Variants in FOXJ2 observed in about 807,000 individuals in gnomAD.
FOXJ2 encodes forkhead box J2.
Under a neutral mutation model 68.4 loss-of-function variants are expected in FOXJ2, and 18 were observed. That is an observed-to-expected ratio of 0.26 (90% CI 0.18 to 0.39). The LOEUF (loss-of-function observed/expected upper bound fraction) is 0.39, where lower values mean the gene tolerates loss of function less well. Among genes scored for constraint, FOXJ2 ranks in the 10% least tolerant of loss-of-function variants. The pLI is 1.00. For synonymous variants in FOXJ2, 274 were observed against 263.2 expected, an observed-to-expected ratio of 1.04 and a Z score of -0.40; for missense variants, 670 against 726.5, an observed-to-expected ratio of 0.92 and a Z score of 0.89.
Position 8,055,000 on chromosome 12 carries a change from G to T in FOXJ2, c.*2150G>T, listed in dbSNP as rs746911180. Reference sequence around the variant, plus strand: ...AACTAGTCTCATGAAGAATTCTGGCGTGCAGCCAGGGTAGCTGAAGTTTGG... The same window carrying T: ...AACTAGTCTCATGAAGAATTCTGGCTTGCAGCCAGGGTAGCTGAAGTTTGG... On this transcript the variant is annotated 3_prime_UTR_variant, in exon 11 of 11. Transcript: ENST00000162391. The T allele has an allele frequency of 6.6e-6, 1 of 152,158 alleles. No homozygotes were observed. The highest frequency in any genetic ancestry group is 2.1e-4 in the South Asian group (1 of 4,828). The allele number at this position is 152,158 out of a possible 1,614,324, so 9.4% of individuals were successfully genotyped here. A position where few individuals can be genotyped will look rare whatever the true frequency, so the allele number is the denominator to read the frequency against.
rs1214122771 is a variant in FOXJ2 at position 8,055,386 on chromosome 12, C to G, written c.*2536C>G. 6.6e-6 allele frequency: 1 copy of G among 152,534 alleles called. No individual in the cohort carries two copies. Among genetic ancestry groups the G allele is most frequent in the East Asian group, 1.9e-4 (1 of 5,194 alleles). The allele number at this position is 152,534 out of a possible 1,614,324, so 9.4% of individuals were successfully genotyped here. On this transcript the variant is annotated 3_prime_UTR_variant, in exon 11 of 11. Coordinates refer to ENST00000162391, the MANE Select transcript of FOXJ2 (RefSeq NM_018416.3). ...TCCTCATGTTTCTGGTTTGGTGAGTCCTTTGTGCCACCACCCATAATGCTT... is the reference window on the plus strand; with the variant it reads ...TCCTCATGTTTCTGGTTTGGTGAGTGCTTTGTGCCACCACCCATAATGCTT...
chr12:8,050,265 C>T, intron 9 of FOXJ2: 1 of 1,164,832 alleles, frequency 8.6e-7, no homozygotes, highest in East Asian at 3.9e-5. Context: ...CATGAGCCAC[C>T]ATACCTGGCC....
chr12:8,047,232 C>G (rs1222420118), intron 6 of FOXJ2, among the ~76,000 whole-genome samples: 1 of 152,128 alleles, frequency 6.6e-6, no homozygotes, highest in Admixed American at 6.5e-5. Context: ...GTGGGCGGAT[C>G]ACCTGAAGTC....
In FOXJ2 at chr12:8,040,283, A is replaced by G; in HGVS notation, c.333+118A>G. On this transcript the variant is annotated intron_variant, in intron 2 of 10. Transcript: ENST00000162391. This position sits in a 1 kb window ranked among gnomAD's most constrained non-coding sequence, Gnocchi z 4.0. Reference sequence around the variant, plus strand: ...TACTCTGGTTTGTCTCAGAGATGTGAAAACTTAAAATCTCATATGTTCTGC... The same window carrying G: ...TACTCTGGTTTGTCTCAGAGATGTGGAAACTTAAAATCTCATATGTTCTGC... The G allele has an allele frequency of 9.1e-7, 1 of 1,093,638 alleles. No homozygotes were observed. The highest frequency in any genetic ancestry group is 1.3e-6 in the Non-Finnish European group (1 of 773,538). 67.7% of individuals were successfully genotyped at this position (1,093,638 alleles called of 1,614,324 possible).
chr12:8,050,220 C>G (rs1253979081), intron 9 of FOXJ2: 3 of 620,748 alleles, frequency 4.8e-6, no homozygotes, highest in Non-Finnish European at 4.3e-6. Context: ...AAGGGATCTA[C>G]CCACCTCGGC....
At chr12:8,041,221 G>T (rs1213744758) in intron 2 of FOXJ2, among the ~76,000 whole-genome samples, 2 of 151,354 alleles carry the variant, frequency 1.3e-5, no homozygotes, top group Non-Finnish European at 2.9e-5. Context: ...TTGTGGGGGT[G>T]GGGGACAGGG....
intron 1 of FOXJ2, among the ~76,000 whole-genome samples, chr12:8,034,246 C>T (rs747592619): frequency 2.5e-4 from 38 of 152,300 alleles, no homozygotes; most frequent in South Asian, 1.9e-3. Flanking sequence ...ATGAAAATCA[C>T]GGTGGCATCT....
At position 8,033,376 on chromosome 12, in the gene FOXJ2, CAGCCTT is replaced by C. The variant is rs1946859874; in HGVS notation, c.-471_-466del. The C allele has an allele frequency of 6.5e-6, 1 of 153,212 alleles. No homozygotes were observed. The highest frequency in any genetic ancestry group is 2.4e-5 in the African/African-American group (1 of 41,490). 9.5% of individuals were successfully genotyped at this position (153,212 alleles called of 1,614,324 possible). ...CAGGGAAAGAAGAGGAATCGGCTTT[CAGCCTT>C]CTGGAGAGGGGAAGACCTCCCCCTC... On this transcript the variant is annotated 5_prime_UTR_variant, in exon 1 of 11. Transcript: ENST00000162391.
At position 8,047,961 on chromosome 12, in the gene FOXJ2, ACAGCAG is replaced by A. The variant is rs372118289; in HGVS notation, c.914_919del (p.Gln305_Gln306del). The A allele has an allele frequency of 3.0e-5, 48 of 1,609,846 alleles. No homozygotes were observed. The African/African-American group carries it at 4.7e-4, about 16-fold the overall frequency. On this transcript the variant is annotated inframe_deletion, in exon 7 of 11. Coordinates refer to ENST00000162391, the MANE Select transcript of FOXJ2 (RefSeq NM_018416.3). ...AGCAGCAGCAGCCACCGCCACCTCA[ACAGCAG>A]CAGCAGCAGCAGCAGCCGCCACAGC...
chr12:8,045,298 A>C (rs1947021835), intron 6 of FOXJ2, among the ~76,000 whole-genome samples: 1 of 150,306 alleles, frequency 6.7e-6, no homozygotes, highest in Non-Finnish European at 1.5e-5. Context: ...GGCTCACTGC[A>C]ACCTCCGCCT....
In FOXJ2 at chr12:8,049,192, T is replaced by C. The variant is rs559054942; in HGVS notation, c.1328-170T>C. ...TATAAGAATTTGGTAAGGGATCAAA[T>C]AGAATGAGAGTTTGAAAATGCAGAG... On this transcript the variant is annotated intron_variant, in intron 8 of 10. Coordinates refer to ENST00000162391, the MANE Select transcript of FOXJ2 (RefSeq NM_018416.3). Among the ~76,000 whole-genome samples, 35 of 152,260 alleles carry C rather than the reference T, an allele frequency of 2.3e-4. 1 individual carries two copies. In the South Asian group the frequency reaches 6.2e-3, roughly 27 times the overall value.
At chr12:8,050,788 T>A (rs1372651223) in intron 10 of FOXJ2, among the ~76,000 whole-genome samples, 168 bp downstream of exon 10, 1 of 151,918 alleles carries the variant, frequency 6.6e-6, no homozygotes, top group East Asian at 1.9e-4. Flanking sequence ...AGAAGGTGTG[T>A]GTCGGGGAGA....
chr12:8,039,892 C>A lies in FOXJ2; in HGVS notation c.60C>A (p.Leu20=), dbSNP rs765518292. Reference sequence around the variant, plus strand: ...TAGACTGGCTCCCCCAGCTGACCCTCCGAGCTACCATTGAGAAGCTTGGAA... The same window carrying A: ...TAGACTGGCTCCCCCAGCTGACCCTACGAGCTACCATTGAGAAGCTTGGAA... ...TSIDWLPQLT[L]RATIEKLGSA... Residue 20 remains leucine (L), a synonymous_variant, in exon 2 of 11, where the codon CTC becomes CTA. Transcript: ENST00000162391. 1 of 1,614,200 alleles carries A rather than the reference C, an allele frequency of 6.2e-7. No individual in the cohort carries two copies. The highest frequency in any genetic ancestry group is 8.5e-7 in the Non-Finnish European group (1 of 1,180,044).
intron 7 of FOXJ2, 74 bp downstream of exon 7, chr12:8,048,363 G>A (rs922504913): frequency 2.6e-5 from 39 of 1,499,284 alleles, no homozygotes; most frequent in African/African-American, 5.6e-5. Context: ...GCATGGAGGT[G>A]CAGTTAGTTA....
In FOXJ2 at chr12:8,050,559, C is replaced by T. The variant is rs201141736; in HGVS notation, c.1575C>T (p.Tyr525=). 15 of 1,613,916 alleles carry T rather than the reference C, an allele frequency of 9.3e-6. No homozygotes were observed. In the East Asian group the frequency reaches 2.2e-4, roughly 24 times the overall value. Residue 525 remains tyrosine, a synonymous_variant, in exon 10 of 11, where the codon TAC becomes TAT. Coordinates refer to ENST00000162391, the MANE Select transcript of FOXJ2 (RefSeq NM_018416.3). ...SYGHPQAPHL[Y]PGPSPMYPIP... ...GGCACCCACAAGCTCCCCACCTCTA[C>T]CCTGGCCCATCACCAATGTACCCAA...
At position 8,050,052 on chromosome 12, in the gene FOXJ2, C is replaced by T. The variant is rs139258740; in HGVS notation, c.1538-470C>T. 945 of 180,526 alleles carry T rather than the reference C, an allele frequency of 5.2e-3. 9 individuals are homozygous for T. Among genetic ancestry groups the T allele is most frequent in the African/African-American group, 0.021 (897 of 42,528 alleles). 11.2% of individuals were successfully genotyped at this position (180,526 alleles called of 1,614,324 possible). ...GTGGTGTGATCACGGCTCACTGCAA[C>T]CTTGACCCCTGGAGCTCAGGTGATC... On this transcript the variant is annotated intron_variant, in intron 9 of 10. Transcript: ENST00000162391.
At chr12:8,039,746 A>T in intron 1 of FOXJ2, 73 bp from the exon 2 acceptor site, 1 of 1,270,126 alleles carries the variant, frequency 7.9e-7, no homozygotes, top group Non-Finnish European at 1.1e-6. Context: ...AAGAAACTCT[A>T]CTTCCCTCAA....
chr12:8,048,100 C>T lies in FOXJ2; in HGVS notation c.1036C>T (p.Pro346Ser), dbSNP rs375557180. Residue 346 changes from proline (P) to serine (S), a missense_variant, in exon 7 of 11, where the codon CCA (proline) becomes TCA (serine). Transcript: ENST00000162391. ...CACCCCAAGCACAGATGGTTGTACC[C>T]CACCAGGGGGAAAGCAAGCTGGGGC... The part of the protein sequence containing the change: ...LHTPSTDGCT[P>S]PGGKQAGAEG... 2 of 1,612,386 alleles carry T rather than the reference C, an allele frequency of 1.2e-6. No homozygotes were observed. Among genetic ancestry groups the T allele is most frequent in the Admixed American group, 1.7e-5 (1 of 59,892 alleles).
chr12:8,045,426 G>A (rs775548438), intron 6 of FOXJ2, among the ~76,000 whole-genome samples: 102 of 152,308 alleles, frequency 6.7e-4, no homozygotes, highest in Admixed American at 2.0e-3. Flanking sequence ...ATGTTGGCCA[G>A]GCTGGTCTCG....
Sources: allele counts gnomAD v4.1 joint callset (sites outside exome capture counted in the v4.1 genomes callset), GRCh38; gene constraint gnomAD v4.1.1; non-coding constraint Gnocchi (gnomAD v3.1); transcripts MANE v1.5; gene names NCBI Gene and HGNC (gene_info 2026-07-23, HGNC 2026-07-21).